MSRA: variants seen among roughly 807,000 people sequenced by gnomAD.
MSRA encodes the protein mitochondrial peptide methionine sulfoxide reductase.
In MSRA, 54 loss-of-function variants were observed where a neutral mutation model predicts 31.3. The observed-to-expected ratio is 1.73, with a 90% CI of 1.39 to 2.17. The LOEUF (loss-of-function observed/expected upper bound fraction) is 2.17, where lower values mean the gene tolerates loss of function less well. Among genes scored for constraint, MSRA ranks in the 30% most tolerant of loss-of-function variants. The pLI, the probability that MSRA is intolerant of heterozygous loss-of-function variation, is 0.00. For missense variants in MSRA, 507 were observed against 300.9 expected (o/e 1.69, Z -5.07); for synonymous variants, 169 against 116.5 (o/e 1.45, Z -2.90).
chr8:10,353,793 AG>A (rs1437629492), intron 5 of MSRA: 1 of 347,026 alleles, frequency 2.9e-6, no homozygotes, highest in East Asian at 8.5e-5. Context: ...ATCTCACACA[AG>A]ACAGTAATAA....
chr8:10,326,004 C>G (rs925424100), intron 5 of MSRA, among the ~76,000 whole-genome samples: 6 of 152,204 alleles, frequency 3.9e-5, no homozygotes, highest in Admixed American at 3.3e-4. Context: ...CTGCCCATGA[C>G]TCATTCTGTT....
Position 10,054,801 on chromosome 8 carries a change from G to A in MSRA, c.142+143G>A, listed in dbSNP as rs1802226857. 6 of 942,144 alleles carry A rather than the reference G, an allele frequency of 6.4e-6. No individual in the cohort carries two copies. In the South Asian group the frequency reaches 2.3e-4, roughly 36 times the overall value. 58.4% of individuals were successfully genotyped at this position (942,144 alleles called of 1,614,324 possible). ...GGGTGGGGGTCTGCGCAGGCGCGAA[G>A]GGGCGCCGGCAGTGGCCGGGGAGAC... On this transcript the variant is annotated intron_variant, in intron 1 of 5. Transcript: ENST00000317173.
At chr8:10,392,938 T>C (rs888115544) in intron 5 of MSRA, among the ~76,000 whole-genome samples, 29 of 145,272 alleles carry the variant, frequency 2.0e-4, no homozygotes, top group African/African-American at 6.9e-4. Context: ...GGCGGGCGCC[T>C]ATAGTCCCAG....
At chr8:10,140,287 T>C (rs1280170500) in intron 1 of MSRA, among the ~76,000 whole-genome samples, 2 of 152,202 alleles carry the variant, frequency 1.3e-5, no homozygotes, top group African/African-American at 4.8e-5. Flanking sequence ...GAGAATCTTA[T>C]GACCTGCCAT....
intron 3 of MSRA, among the ~76,000 whole-genome samples, chr8:10,294,394 G>C (rs187244084): frequency 6.6e-6 from 1 of 152,172 alleles, no homozygotes; most frequent in Non-Finnish European, 1.5e-5. Context: ...AATGCCTCCC[G>C]TGGAGTTTTG....
Position 10,417,675 on chromosome 8 carries a change from C to T in MSRA, c.544-10473C>T, listed in dbSNP as rs537812440. Among the ~76,000 whole-genome samples the T allele has an allele frequency of 5.9e-5, 9 of 151,626 alleles. No homozygotes were observed. The East Asian group carries it at 1.4e-3, about 23-fold the overall frequency. ...ATTTTTTTTTTAAAGTTTTGATTGA[C>T]ATCTATTTGGTCAACCTGTGCTCCC... On this transcript the variant is annotated intron_variant, in intron 5 of 5. Transcript: ENST00000317173.
intron 5 of MSRA, among the ~76,000 whole-genome samples, chr8:10,367,683 G>A (rs1391594477): frequency 6.6e-6 from 1 of 152,236 alleles, no homozygotes; most frequent in Non-Finnish European, 1.5e-5. Flanking sequence ...AGGCAGATAG[G>A]AACTTGCAAG....
At chr8:10,055,169 C>CGGAA (rs147098089) in intron 1 of MSRA, among the ~76,000 whole-genome samples, 1 of 4,644 alleles carries the variant, frequency 2.2e-4, no homozygotes, top group African/African-American at 2.8e-4. Context: ...AGTGTTCTGG[C>CGGAA]TGAGTCACCC....
intron 1 of MSRA, among the ~76,000 whole-genome samples, chr8:10,112,848 C>A (rs1800385925): frequency 6.6e-6 from 1 of 152,098 alleles, no homozygotes; most frequent in African/African-American, 2.4e-5. Flanking sequence ...TGCAGCCATT[C>A]CTTGTCTGAA....
At chr8:10,095,989 A>C (rs1799134355) in intron 1 of MSRA, 1 of 1,438,558 alleles carries the variant, frequency 7.0e-7, no homozygotes, top group Admixed American at 2.8e-5. Flanking sequence ...GTTCATCAAT[A>C]CAAACCTGCT....
chr8:10,078,706 C>G (rs1393208474), intron 1 of MSRA, among the ~76,000 whole-genome samples: 1 of 152,246 alleles, frequency 6.6e-6, no homozygotes, highest in Non-Finnish European at 1.5e-5. Context: ...AGCTCCTTAG[C>G]TATAACCATT....
intron 1 of MSRA, among the ~76,000 whole-genome samples, chr8:10,161,835 GATA>G (rs140187991): frequency 0.065 from 9,862 of 152,102 alleles, 693 homozygotes; most frequent in African/African-American, 0.17. Context: ...CCCCGCCCCT[GATA>G]ACCATGGGCC....
chr8:10,180,420 T>G (rs1806438763), intron 1 of MSRA, among the ~76,000 whole-genome samples: 1 of 152,160 alleles, frequency 6.6e-6, no homozygotes, highest in Non-Finnish European at 1.5e-5. Context: ...TTAGGGTTTT[T>G]ATGGAGGCTT....
intron 1 of MSRA, among the ~76,000 whole-genome samples, chr8:10,127,856 A>AT (rs1334328127): frequency 1.0e-4 from 15 of 150,266 alleles, no homozygotes; most frequent in Middle Eastern, 3.4e-3. Flanking sequence ...AACTTCAAGT[A>AT]TTTTTTTTTT....
chr8:10,133,594 A>G (rs1445403700), intron 1 of MSRA, among the ~76,000 whole-genome samples: 1 of 152,240 alleles, frequency 6.6e-6, no homozygotes, highest in Non-Finnish European at 1.5e-5. Flanking sequence ...GAACCTGTCC[A>G]GACCTGAGTT....
rs1457412061 is a variant in MSRA, at chr8:10,428,664, T to C, written c.*352T>C. On this transcript the variant is annotated 3_prime_UTR_variant, in exon 6 of 6. Transcript: ENST00000317173. The stretch of plus-strand genomic sequence containing the variant: ...GACCCCAGAAGTCCTTTATCTGTGC[T>C]CTCTGCCCGCCAGTGCCTTACAATT... 1.5e-5 allele frequency: 4 copies of C among 275,094 alleles called. No homozygotes were observed. The highest frequency in any genetic ancestry group is 1.4e-5 in the Non-Finnish European group (2 of 146,874). The allele number at this position is 275,094 out of a possible 1,614,324, so 17.0% of individuals were successfully genotyped here. A position where few individuals can be genotyped will look rare whatever the true frequency, so the allele number is the denominator to read the frequency against.
intron 1 of MSRA, among the ~76,000 whole-genome samples, chr8:10,105,842 C>T (rs1043385990): frequency 6.6e-6 from 1 of 152,176 alleles, no homozygotes; most frequent in African/African-American, 2.4e-5. Flanking sequence ...CCCGTCTAAA[C>T]AAAACCCACC....
intron 1 of MSRA, among the ~76,000 whole-genome samples, chr8:10,066,002 T>A (rs189883174): frequency 4.0e-5 from 6 of 148,770 alleles, no homozygotes; most frequent in Admixed American, 4.0e-4. Flanking sequence ...AAAATAATTA[T>A]TAATATAACT....
intron 4 of MSRA, among the ~76,000 whole-genome samples, chr8:10,301,993 C>G (rs1800874896): frequency 1.3e-5 from 2 of 152,142 alleles, no homozygotes; most frequent in South Asian, 4.1e-4. Flanking sequence ...TCCAAAGATT[C>G]CTGATTTATG....
Sources: allele counts gnomAD v4.1 joint callset (sites outside exome capture counted in the v4.1 genomes callset), GRCh38; gene constraint gnomAD v4.1.1; transcripts MANE v1.5; gene names NCBI Gene and HGNC (gene_info 2026-07-23, HGNC 2026-07-21).